DNAJC13: variants seen among roughly 807,000 people sequenced by gnomAD.
DNAJC13 encodes the protein DnaJ heat shock protein family (Hsp40) member C13.
DNAJC13 carries 75 observed loss-of-function variants against 290.5 expected under a neutral mutation model. That is an observed-to-expected ratio of 0.26 (90% CI 0.21 to 0.31). The LOEUF is 0.31. Ranked by LOEUF, DNAJC13 falls within the 10% of genes least tolerant of loss-of-function variation. The probability of loss-of-function intolerance (pLI) is 1.00; values close to 1 mark genes in which losing one functional copy is unlikely to be tolerated. For synonymous variants in DNAJC13, 862 were observed against 892.0 expected (o/e 0.97, Z 0.60); for missense variants, 2,260 against 2,674.5 (o/e 0.85, Z 3.42).
intron 1 of DNAJC13, among the ~76,000 whole-genome samples, chr3:132,422,673 A>G (rs925592181): frequency 6.6e-6 from 1 of 152,248 alleles, no homozygotes; most frequent in African/African-American, 2.4e-5. Flanking sequence ...CATGGTTATG[A>G]TCATCTTTGC....
At chr3:132,437,818 G>A (rs974227636) in intron 2 of DNAJC13, among the ~76,000 whole-genome samples, 5 of 152,176 alleles carry the variant, frequency 3.3e-5, no homozygotes, top group African/African-American at 1.2e-4. Flanking sequence ...GAATTTTAGA[G>A]TCAGTTGTTA....
intron 20 of DNAJC13, chr3:132,472,622 T>C (rs1412645385): frequency 2.0e-6 from 2 of 980,008 alleles, no homozygotes; most frequent in Non-Finnish European, 1.2e-6. Context: ...CTGCCTGGCA[T>C]GTGGAGTCAT....
chr3:132,459,409 G>A (rs1206817341), intron 13 of DNAJC13, among the ~76,000 whole-genome samples: 2 of 152,182 alleles, frequency 1.3e-5, no homozygotes, highest in Non-Finnish European at 2.9e-5. Context: ...GTGGTTGCCA[G>A]GGGCTTGGGA....
In DNAJC13 at chr3:132,516,717, T is replaced by C. The variant is rs1460754434; in HGVS notation, c.5574T>C (p.Tyr1858=). Residue 1858 remains tyrosine, a synonymous_variant, in exon 48 of 56, where the codon TAT becomes TAC. Coordinates refer to ENST00000260818, the MANE Select transcript of DNAJC13 (RefSeq NM_015268.4). ...KEAMAKGALI[Y]LLDMFCNSTH... ...TTTCCTTCATAGGTGCTTTGATCTA[T>C]TTACTGGATATGTTCTGCAATTCAA... The C allele has an allele frequency of 6.2e-7, 1 of 1,612,548 alleles. No individual in the cohort carries two copies. Among genetic ancestry groups the C allele is most frequent in the East Asian group, 2.2e-5 (1 of 44,836 alleles).
intron 54 of DNAJC13, among the ~76,000 whole-genome samples, chr3:132,528,766 G>GT (rs11341234): frequency 1.3e-4 from 19 of 149,252 alleles, no homozygotes; most frequent in Admixed American, 2.0e-4. Flanking sequence ...AAAAGTGTTG[G>GT]TTTTTTTTTT....
intron 5 of DNAJC13, among the ~76,000 whole-genome samples, chr3:132,450,201 G>A (rs1384509079): frequency 2.0e-5 from 3 of 151,550 alleles, no homozygotes; most frequent in South Asian, 2.1e-4. Context: ...ATACTGAGGC[G>A]GTTCAGGTTG....
intron 48 of DNAJC13, among the ~76,000 whole-genome samples, chr3:132,521,213 A>T (rs1386583326): frequency 6.6e-6 from 1 of 152,112 alleles, no homozygotes; most frequent in African/African-American, 2.4e-5. Context: ...AACCTGGGTG[A>T]GGTAGAGAGA....
chr3:132,459,733 C>T (rs1000884751), intron 13 of DNAJC13, among the ~76,000 whole-genome samples: 1 of 152,166 alleles, frequency 6.6e-6, no homozygotes, highest in Non-Finnish European at 1.5e-5. Flanking sequence ...ATTACTCCTA[C>T]TTTACAGCTG....
rs61726289 is a variant in DNAJC13 at position 132,469,963 on chromosome 3, CTTTTTTTTTTTTTTTTTTT to C, written c.2208+2661_2208+2679del. On this transcript the variant is annotated intron_variant, in intron 20 of 55. Coordinates refer to ENST00000260818, the MANE Select transcript of DNAJC13 (RefSeq NM_015268.4). Reference sequence around the variant, plus strand: ...ATGGGTTTCATTTGGAGCAGAGATTCTTTTTTTTTTTTTTTTTTTTTTTTTTTTTAATTTATTTTTTTAT... The same window carrying C: ...ATGGGTTTCATTTGGAGCAGAGATTCTTTTTTTTTTAATTTATTTTTTTAT... Among the ~76,000 whole-genome samples the C allele has an allele frequency of 4.9e-5, 3 of 61,154 alleles. No individual in the cohort carries two copies. In the Admixed American group the frequency reaches 6.0e-4, roughly 12 times the overall value. The allele number at this position is 61,154 out of a possible 152,430, so 40.1% of individuals were successfully genotyped here.
intron 2 of DNAJC13, among the ~76,000 whole-genome samples, chr3:132,436,883 C>CT (rs68049166): frequency 1.3e-3 from 187 of 141,906 alleles, no homozygotes; most frequent in Middle Eastern, 3.6e-3. Flanking sequence ...TTTTATTTTA[C>CT]TTTTTTTTTT....
At chr3:132,474,140 G>A (rs969222724) in intron 21 of DNAJC13, 3 of 152,190 alleles carry the variant, frequency 2.0e-5, no homozygotes, top group African/African-American at 7.2e-5. Flanking sequence ...AACATATATA[G>A]ATTGTTGCTG....
intron 10 of DNAJC13, 32 bp downstream of exon 10, chr3:132,456,433 C>T (rs752588366): frequency 2.5e-6 from 4 of 1,609,572 alleles, no homozygotes; most frequent in Non-Finnish European, 2.5e-6. Flanking sequence ...ATTACATTTC[C>T]ACTCATCTAC....
intron 18 of DNAJC13, 43 bp downstream of exon 18, chr3:132,466,113 T>C (rs763769577): frequency 6.5e-7 from 1 of 1,533,270 alleles, no homozygotes; most frequent in Non-Finnish European, 9.0e-7. Context: ...CCTAATAAAA[T>C]TTAATTGAAC....
chr3:132,447,263 T>G lies in DNAJC13; in HGVS notation c.145-58T>G, dbSNP rs1933276220. The G allele has an allele frequency of 3.0e-6, 4 of 1,325,510 alleles. No homozygotes were observed. In the East Asian group the frequency reaches 1.1e-4, roughly 37 times the overall value. The allele number at this position is 1,325,510 out of a possible 1,614,324, so 82.1% of individuals were successfully genotyped here. ...GATTATGAAATTAAAGTGACAAAAA[T>G]AAGCATTACATTTTACTGTATTATA... On this transcript the variant is annotated intron_variant, in intron 3 of 55. Coordinates refer to ENST00000260818, the MANE Select transcript of DNAJC13 (RefSeq NM_015268.4).
At chr3:132,454,235 A>G (rs1933513124) in intron 9 of DNAJC13, 78 bp downstream of exon 9, 7 of 955,316 alleles carry the variant, frequency 7.3e-6, no homozygotes, top group Non-Finnish European at 1.1e-5. Context: ...AACCAAAGAT[A>G]TGTAGTCTAG....
At chr3:132,511,016 GTTAT>G in intron 43 of DNAJC13, 47 bp from the exon 44 acceptor site, 2 of 1,584,194 alleles carry the variant, frequency 1.3e-6, no homozygotes, top group Non-Finnish European at 1.7e-6. Flanking sequence ...TTGCTATGGA[GTTAT>G]TTCTTAGGGC....
In DNAJC13 at chr3:132,456,338, C is replaced by G. The variant is rs746620483; in HGVS notation, c.1036C>G (p.Leu346Val). The G allele has an allele frequency of 1.1e-5, 17 of 1,613,886 alleles. No individual in the cohort carries two copies. Among genetic ancestry groups the G allele is most frequent in the Non-Finnish European group, 6.8e-6 (8 of 1,179,916 alleles). ...CCATAAAGGTCAGCGATGGGGGTTA[C>G]TCAGCATGCCTGTTGATGAGGAAGT... ...PTHKGQRWGL[L>V]SMPVDEEVES... The change falls in exon 10 of 56, where the codon CTC (leucine) becomes GTC (valine). Residue 346 changes from leucine to valine, a missense_variant. Leu to Val is a conservative substitution (Grantham distance 32). Transcript: ENST00000260818.
rs1356387352 is a variant in DNAJC13 at position 132,461,039 on chromosome 3, C to A, written c.1558-11C>A. On this transcript the variant is annotated splice_polypyrimidine_tract_variant and intron_variant, in intron 14 of 55. Transcript: ENST00000260818. Reference sequence around the variant, plus strand: ...CTTAAGTCTTTAAGAGAATCTGTTGCATTGTTTCAGGATCATGGGACTGGT... The same window carrying A: ...CTTAAGTCTTTAAGAGAATCTGTTGAATTGTTTCAGGATCATGGGACTGGT... 6.2e-7 allele frequency: 1 copy of A among 1,611,998 alleles called. No homozygotes were observed. The highest frequency in any genetic ancestry group is 1.3e-5 in the African/African-American group (1 of 74,888).
chr3:132,524,755 A>G (rs560142781), intron 51 of DNAJC13, among the ~76,000 whole-genome samples: 1 of 152,196 alleles, frequency 6.6e-6, no homozygotes, highest in Non-Finnish European at 1.5e-5. Context: ...GTTTCCTCCT[A>G]TATCACCTTT....
Sources: gnomAD v4.1 joint callset for allele counts (sites outside exome capture counted in the v4.1 genomes callset) on GRCh38, gnomAD v4.1.1 for gene constraint, MANE v1.5 for transcripts, NCBI Gene and HGNC (gene_info 2026-07-23, HGNC 2026-07-21) for gene names.